The following EPYC variants were observed in gnomAD, a reference collection of about 807,000 sequenced individuals.
EPYC encodes epiphycan.
EPYC carries 28 observed loss-of-function variants against 30.1 expected under a neutral mutation model. The observed-to-expected ratio is 0.93, with a 90% CI of 0.69 to 1.28. EPYC has a LOEUF of 1.28. Ranked by LOEUF, EPYC falls within the 50% of genes most tolerant of loss-of-function variation. The probability of loss-of-function intolerance (pLI) is 0.00; values close to 1 mark genes in which losing one functional copy is unlikely to be tolerated. For missense variants in EPYC, 382 were observed against 383.5 expected (o/e 1.00, Z 0.03); for synonymous variants, 144 against 141.4 (o/e 1.02, Z -0.13).
chr12:90,976,550 G>C (rs968437750), intron 3 of EPYC, among the ~76,000 whole-genome samples: 4 of 152,038 alleles, frequency 2.6e-5, no homozygotes, highest in Admixed American at 6.6e-5. Context: ...TGGTTCCTCT[G>C]TCTGTCCAAG....
Position 90,978,078 on chromosome 12 carries a change from G to T in EPYC, c.340+10C>A, listed in dbSNP as rs776884361. 1 of 1,545,282 alleles carries T rather than the reference G, an allele frequency of 6.5e-7. No homozygotes were observed. The highest frequency in any genetic ancestry group is 2.4e-5 in the East Asian group (1 of 41,556). On this transcript the variant is annotated intron_variant, in intron 3 of 6. Transcript: ENST00000261172. ...GGACTCAATTGTAATTCTGCTTTGAGGTACCTGACCTTCATTTGTGTGTGG... is the reference window on the plus strand; with the variant it reads ...GGACTCAATTGTAATTCTGCTTTGATGTACCTGACCTTCATTTGTGTGTGG...
chr12:90,971,880 C>T lies in EPYC; in HGVS notation c.622G>A (p.Glu208Lys), dbSNP rs766306137. 3 of 1,612,208 alleles carry T rather than the reference C, an allele frequency of 1.9e-6. No individual in the cohort carries two copies. Among genetic ancestry groups the T allele is most frequent in the Non-Finnish European group, 2.5e-6 (3 of 1,179,252 alleles). Residue 208 changes from glutamate (E) to lysine (K), a missense_variant, in exon 5 of 7, where the codon GAA becomes AAA. By Grantham distance (56) the Glu-to-Lys change is moderately conservative (BLOSUM62 1). Coordinates refer to ENST00000261172, the MANE Select transcript of EPYC (RefSeq NM_004950.5). ...LRDNKIRQLPELPTTLTFIDI... is the reference protein window; with the variant it reads ...LRDNKIRQLPKLPTTLTFIDI... ...ATAAATGTCAAAGTGGTTGGCAATT[C>T]TGGGAGCTGCCTTATTTTGTTGTCA...
At chr12:90,985,842 C>T (rs1877436364) in intron 2 of EPYC, among the ~76,000 whole-genome samples, 2 of 152,032 alleles carry the variant, frequency 1.3e-5, no homozygotes, top group South Asian at 4.1e-4. Context: ...CTCACTGAGC[C>T]CTGGGTAAGT....
intron 2 of EPYC, among the ~76,000 whole-genome samples, chr12:90,989,652 A>G (rs886849686): frequency 2.0e-5 from 3 of 152,150 alleles, no homozygotes; most frequent in Admixed American, 6.5e-5. Context: ...TTACAGTTTC[A>G]TTTAATCATA....
intron 5 of EPYC, 116 bp downstream of exon 5, chr12:90,971,672 CAATAAATAAATA>C (rs57567044): frequency 0.064 from 12,677 of 198,188 alleles, 1,529 homozygotes; most frequent in Non-Finnish European, 0.086. Flanking sequence ...GACCCTATCT[CAATAAATAAATA>C]AATAAATAAA....
At chr12:90,994,907 A>T (rs926491143) in intron 2 of EPYC, among the ~76,000 whole-genome samples, 1 of 152,148 alleles carries the variant, frequency 6.6e-6, no homozygotes, top group Non-Finnish European at 1.5e-5. Context: ...AATTTGTTCT[A>T]CACAGTTGAA....
chr12:90,968,193 A>G (rs1310297445), intron 6 of EPYC, among the ~76,000 whole-genome samples: 2 of 152,180 alleles, frequency 1.3e-5, no homozygotes, highest in Non-Finnish European at 2.9e-5. Flanking sequence ...TTTTGTGCCT[A>G]TTAACTCTGC....
chr12:90,978,401 T>A, intron 2 of EPYC, 139 bp from the exon 3 acceptor site: 1 of 747,304 alleles, frequency 1.3e-6, no homozygotes, highest in Non-Finnish European at 2.0e-6. Flanking sequence ...TTGACCATCC[T>A]GCTTGCTTGG....
intron 2 of EPYC, among the ~76,000 whole-genome samples, chr12:90,994,709 C>G (rs1048328934): frequency 6.6e-6 from 1 of 152,100 alleles, no homozygotes; most frequent in African/African-American, 2.4e-5. Context: ...TTGTACCAGT[C>G]AATTCCTATT....
At chr12:90,990,407 C>A (rs1592629735) in intron 2 of EPYC, among the ~76,000 whole-genome samples, 1 of 152,018 alleles carries the variant, frequency 6.6e-6, no homozygotes, top group Non-Finnish European at 1.5e-5. Flanking sequence ...AAGGATATCC[C>A]AGAGAGGACC....
intron 2 of EPYC, among the ~76,000 whole-genome samples, chr12:90,995,638 T>C (rs1024860581): frequency 1.3e-5 from 2 of 151,926 alleles, no homozygotes; most frequent in African/African-American, 4.8e-5. Context: ...ATTTGAGTTA[T>C]CTTATGTTTG....
intron 2 of EPYC, among the ~76,000 whole-genome samples, chr12:90,982,222 C>T (rs1383265726): frequency 2.0e-5 from 3 of 152,078 alleles, no homozygotes; most frequent in Non-Finnish European, 4.4e-5. Context: ...CAATAGACTA[C>T]TGATATAAAG....
intron 2 of EPYC, among the ~76,000 whole-genome samples, chr12:90,984,211 C>A (rs975021724): frequency 6.6e-5 from 10 of 152,096 alleles, no homozygotes; most frequent in Admixed American, 1.3e-4. Context: ...CTAAATCTGA[C>A]CTTCCTTGGT....
intron 1 of EPYC, among the ~76,000 whole-genome samples, chr12:91,004,654 G>A (rs1472008409): frequency 6.6e-6 from 1 of 151,946 alleles, no homozygotes; most frequent in East Asian, 1.9e-4. Flanking sequence ...AAAGAATGTG[G>A]TCTGTGTCAG....
At chr12:90,988,909 A>T (rs549145520) in intron 2 of EPYC, among the ~76,000 whole-genome samples, 2 of 152,234 alleles carry the variant, frequency 1.3e-5, no homozygotes, top group Admixed American at 1.3e-4. Context: ...AGGGAAGAGA[A>T]CTAGCCACAT....
rs71094700 is a variant in EPYC, at chr12:90,969,523, T to TAA, written c.798+519_798+520dup. Among the ~76,000 whole-genome samples the TAA allele has an allele frequency of 1.6e-3, 235 of 146,860 alleles. No individual in the cohort carries two copies. The Middle Eastern group carries it at 0.018, about 11-fold the overall frequency. On this transcript the variant is annotated intron_variant, in intron 6 of 6. Coordinates refer to ENST00000261172, the MANE Select transcript of EPYC (RefSeq NM_004950.5). Reference sequence around the variant, plus strand: ...AACCAAAACTTTCAAATATGGTGTTTAAAAAAAAAAAAACCTGCACTTTGT... The same window carrying TAA: ...AACCAAAACTTTCAAATATGGTGTTTAAAAAAAAAAAAAAACCTGCACTTTGT...
At chr12:90,991,766 C>T (rs187900991) in intron 2 of EPYC, among the ~76,000 whole-genome samples, 171 of 152,202 alleles carry the variant, frequency 1.1e-3, no homozygotes, top group African/African-American at 4.0e-3. Flanking sequence ...CAGGGTATGG[C>T]TTAGGCACTG....
At chr12:90,985,134 TC>T (rs1247555500) in intron 2 of EPYC, among the ~76,000 whole-genome samples, 2 of 152,016 alleles carry the variant, frequency 1.3e-5, no homozygotes, top group Non-Finnish European at 2.9e-5. Context: ...CCAGTATGGA[TC>T]CCCACTGGGA....
At chr12:90,995,167 G>A (rs1248720399) in intron 2 of EPYC, among the ~76,000 whole-genome samples, 2 of 152,208 alleles carry the variant, frequency 1.3e-5, no homozygotes, top group Non-Finnish European at 2.9e-5. Flanking sequence ...TGGCAATGAA[G>A]CTGTATCTTA....
Sources: allele counts gnomAD v4.1 joint callset (sites outside exome capture counted in the v4.1 genomes callset), GRCh38; gene constraint gnomAD v4.1.1; transcripts MANE v1.5; gene names NCBI Gene and HGNC (gene_info 2026-07-23, HGNC 2026-07-21).